TTC13: variants seen among roughly 807,000 people sequenced by gnomAD.
TTC13 encodes the protein tetratricopeptide repeat protein 13.
TTC13 carries 62 observed loss-of-function variants against 120.0 expected under a neutral mutation model. The ratio of observed to expected loss-of-function variants is 0.52; its 90% CI spans 0.42 to 0.64. The LOEUF (loss-of-function observed/expected upper bound fraction) is 0.64, where lower values mean the gene tolerates loss of function less well. Ranked by LOEUF, TTC13 falls within the 30% of genes least tolerant of loss-of-function variation. The probability of loss-of-function intolerance (pLI) is 0.00; values close to 1 mark genes in which losing one functional copy is unlikely to be tolerated. For synonymous variants in TTC13, 384 were observed against 393.5 expected, an observed-to-expected ratio of 0.98 and a Z score of 0.28; for missense variants, 824 against 1,050.2, an observed-to-expected ratio of 0.78 and a Z score of 2.98.
At chr1:230,946,518 T>C (rs1332228080) in intron 4 of TTC13, among the ~76,000 whole-genome samples, 1 of 152,242 alleles carries the variant, frequency 6.6e-6, no homozygotes, top group African/African-American at 2.4e-5. Context: ...TAAACTGGCA[T>C]ATCGCTGGCC....
At position 230,925,638 on chromosome 1, in the gene TTC13, T is replaced by C; in HGVS notation, c.1467A>G (p.Leu489=). The change falls in exon 13 of 23, where the codon TTA becomes TTG. Residue 489 remains leucine (L), a synonymous_variant. Transcript: ENST00000366661. ...GCTTATAACTCTCAAAATTCTGATG[T>C]AACACATCTCTGGAAGAAACATCAT... is the stretch of plus-strand genomic sequence containing the variant. ...PGLQPHIKDV[L]HQNFESYKPE... The C allele has an allele frequency of 3.7e-6, 6 of 1,613,988 alleles. No individual in the cohort carries two copies. Among genetic ancestry groups the C allele is most frequent in the Non-Finnish European group, 5.1e-6 (6 of 1,179,908 alleles).
intron 4 of TTC13, among the ~76,000 whole-genome samples, chr1:230,948,462 CT>C (rs1345357204): frequency 1.4e-5 from 2 of 145,296 alleles, no homozygotes; most frequent in Non-Finnish European, 3.0e-5. Context: ...CATTTTCCTG[CT>C]TACTGTTCAG....
intron 3 of TTC13, 132 bp from the exon 4 acceptor site, chr1:230,954,535 T>C (rs1338773047): frequency 2.1e-5 from 13 of 606,274 alleles, no homozygotes; most frequent in Non-Finnish European, 2.8e-5. Flanking sequence ...ACCTAGAAGT[T>C]AATAAGGTGT....
chr1:230,916,862 G>A (rs1322174957), intron 17 of TTC13, among the ~76,000 whole-genome samples: 1 of 152,220 alleles, frequency 6.6e-6, no homozygotes, highest in Non-Finnish European at 1.5e-5. Context: ...ATGGCTTTCG[G>A]AGTGATAAAT....
chr1:230,947,199 C>A (rs532486223), intron 4 of TTC13, among the ~76,000 whole-genome samples: 1 of 151,912 alleles, frequency 6.6e-6, no homozygotes. Flanking sequence ...GCCTGCCCCC[C>A]CAGAGATAAG....
intron 15 of TTC13, 116 bp downstream of exon 15, chr1:230,923,725 G>T: frequency 2.5e-6 from 2 of 792,046 alleles, no homozygotes; most frequent in Non-Finnish European, 4.2e-6. Flanking sequence ...CAATCAGTAT[G>T]TTCCCTGGTC....
rs768408052 is a variant in TTC13 at position 230,945,370 on chromosome 1, G to C, written c.579+19C>G. On this transcript the variant is annotated intron_variant, in intron 5 of 22. Coordinates refer to ENST00000366661, the MANE Select transcript of TTC13 (RefSeq NM_024525.5). ...AGGTCATGTAGGCGCTATGGCAATC[G>C]TAACTATTACATACTCACATGTAGT... is the stretch of plus-strand genomic sequence containing the variant. The C allele has an allele frequency of 6.2e-7, 1 of 1,611,290 alleles. No homozygotes were observed. The highest frequency in any genetic ancestry group is 8.5e-7 in the Non-Finnish European group (1 of 1,177,454).
intron 22 of TTC13, among the ~76,000 whole-genome samples, chr1:230,907,626 G>A (rs7526004): frequency 0.66 from 99,494 of 151,844 alleles, 32,725 homozygotes; most frequent in Admixed American, 0.71. Flanking sequence ...CAATGTACCA[G>A]GACAAGGTGT....
In TTC13 at chr1:230,931,471, C is replaced by A; in HGVS notation, c.1127G>T (p.Arg376Leu). ...ATTATATGGCTCTAGCTGCAGACACCGCTGAGGACAAAATGCTGCATTAGT... is the reference window on the plus strand; with the variant it reads ...ATTATATGGCTCTAGCTGCAGACACAGCTGAGGACAAAATGCTGCATTAGT... ...SLQEALKNFK[R>L]CLQLEPYNEV... The change falls in exon 11 of 23, where the codon CGG becomes CTG. Residue 376 changes from arginine (R) to leucine (L), a missense_variant and splice_region_variant. Transcript: ENST00000366661. The A allele has an allele frequency of 6.2e-7, 1 of 1,613,820 alleles. No homozygotes were observed. Among genetic ancestry groups the A allele is most frequent in the Non-Finnish European group, 8.5e-7 (1 of 1,179,952 alleles).
intron 9 of TTC13, among the ~76,000 whole-genome samples, chr1:230,933,113 C>T (rs762333423): frequency 5.9e-5 from 9 of 152,136 alleles, no homozygotes; most frequent in Non-Finnish European, 1.0e-4. Context: ...GTTGGGATTA[C>T]AGGAACCCAC....
At chr1:230,908,493 A>G in intron 22 of TTC13, 2 of 561,622 alleles carry the variant, frequency 3.6e-6, no homozygotes, top group Non-Finnish European at 6.4e-6. Context: ...CCTGGCCTTC[A>G]TAGTCCATTT....
In TTC13 at chr1:230,911,552, A is replaced by AG. The variant is rs779830688; in HGVS notation, c.2230-4dup. The AG allele has an allele frequency of 1.3e-6, 2 of 1,508,500 alleles. No homozygotes were observed. Among genetic ancestry groups the AG allele is most frequent in the Non-Finnish European group, 1.8e-6 (2 of 1,129,310 alleles). 93.4% of individuals were successfully genotyped at this position (1,508,500 alleles called of 1,614,324 possible). On this transcript the variant is annotated splice_region_variant and splice_polypyrimidine_tract_variant and intron_variant, in intron 19 of 22. Coordinates refer to ENST00000366661, the MANE Select transcript of TTC13 (RefSeq NM_024525.5). ...AAGTTGCAGACAGCATCAGCCTCCT[A>AG]GAAAAAAAAGATACAGACTCATAAA...
chr1:230,923,945 A>G lies in TTC13; in HGVS notation c.1722-12T>C, dbSNP rs1025179209. On this transcript the variant is annotated splice_polypyrimidine_tract_variant and intron_variant, in intron 14 of 22. Coordinates refer to ENST00000366661, the MANE Select transcript of TTC13 (RefSeq NM_024525.5). ...CTGGGTCAGCAATCCTATAAAACAG[A>G]GACCTTTATAAAACCAGAAGTGTTC... The G allele has an allele frequency of 2.5e-6, 4 of 1,603,616 alleles. No homozygotes were observed. In the South Asian group the frequency reaches 4.4e-5, roughly 18 times the overall value.
At chr1:230,934,656 CTT>C (rs1673875814) in intron 8 of TTC13, among the ~76,000 whole-genome samples, 1 of 152,180 alleles carries the variant, frequency 6.6e-6, no homozygotes. Flanking sequence ...TTCACTGTGA[CTT>C]ATACACTGCA....
Position 230,944,351 on chromosome 1 carries a change from A to T in TTC13, c.580-453T>A, listed in dbSNP as rs1027412908. Among the ~76,000 whole-genome samples the T allele has an allele frequency of 6.6e-6, 1 of 152,202 alleles. No individual in the cohort carries two copies. Among genetic ancestry groups the T allele is most frequent in the Non-Finnish European group, 1.5e-5 (1 of 68,024 alleles). ...TAGGTACATTCTCTTTAACATTTGCACATTATTTTTACATTAAAAATGCAT... is the reference window on the plus strand; with the variant it reads ...TAGGTACATTCTCTTTAACATTTGCTCATTATTTTTACATTAAAAATGCAT... On this transcript the variant is annotated intron_variant, in intron 5 of 22. Transcript: ENST00000366661. This position sits in a 1 kb window ranked among gnomAD's most constrained non-coding sequence, Gnocchi z 4.0.
At chr1:230,929,132 G>A in intron 11 of TTC13, 39 bp from the exon 12 acceptor site, 1 of 1,580,352 alleles carries the variant, frequency 6.3e-7, no homozygotes, top group Admixed American at 1.8e-5. Context: ...TCCAAATACT[G>A]CTAAAGAAAC....
At chr1:230,968,165 A>T (rs1380620075) in intron 1 of TTC13, among the ~76,000 whole-genome samples, 2 of 121,694 alleles carry the variant, frequency 1.6e-5, no homozygotes, top group South Asian at 2.7e-4. Flanking sequence ...TCACTTAAGA[A>T]TTTGTTTTCC....
chr1:230,958,303 G>GT lies in TTC13; in HGVS notation c.367-5_367-4insA. On this transcript the variant is annotated splice_polypyrimidine_tract_variant and splice_region_variant and intron_variant, in intron 2 of 22. Coordinates refer to ENST00000366661, the MANE Select transcript of TTC13 (RefSeq NM_024525.5). ...CTGCAATAGACTTGGCCTGGCTCTG[G>GT]GAAAAAAAAAAAAAAAACCCATACA... 2 of 1,542,364 alleles carry GT rather than the reference G, an allele frequency of 1.3e-6. No individual in the cohort carries two copies.
chr1:230,918,636 G>A (rs1224642849), intron 17 of TTC13, among the ~76,000 whole-genome samples: 1 of 152,180 alleles, frequency 6.6e-6, no homozygotes, highest in Non-Finnish European at 1.5e-5. Flanking sequence ...CACTGTGTTA[G>A]TGCATCAGAC....
Sources: gnomAD v4.1 joint callset for allele counts (sites outside exome capture counted in the v4.1 genomes callset) on GRCh38, gnomAD v4.1.1 for gene constraint, Gnocchi (gnomAD v3.1) non-coding constraint, MANE v1.5 for transcripts, NCBI Gene and HGNC (gene_info 2026-07-23, HGNC 2026-07-21) for gene names.